ZDHHC15: variants seen among roughly 807,000 people sequenced by gnomAD.
The protein encoded by ZDHHC15 is palmitoyltransferase ZDHHC15.
ZDHHC15 carries 19 observed loss-of-function variants against 31.7 expected under a neutral mutation model. That is an observed-to-expected ratio of 0.60 (90% CI 0.42 to 0.88). The LOEUF is 0.88. Among genes scored for constraint, ZDHHC15 ranks in the 40% least tolerant of loss-of-function variants. ZDHHC15 has a pLI of 0.00. For missense variants in ZDHHC15, 209 were observed against 251.2 expected, an observed-to-expected ratio of 0.83 and a Z score of 1.14; for synonymous variants, 103 against 90.0, an observed-to-expected ratio of 1.14 and a Z score of -0.82.
chrX:75,399,160 G>A (rs754181316), intron 10 of ZDHHC15, among the ~76,000 whole-genome samples: 33 of 110,949 alleles, frequency 3.0e-4, no homozygotes, highest in African/African-American at 9.8e-4. Flanking sequence ...GTGGTTGCCC[G>A]TTTTCATATC....
intron 3 of ZDHHC15, among the ~76,000 whole-genome samples, chrX:75,462,541 C>A (rs189555843): frequency 8.9e-6 from 1 of 112,233 alleles, no homozygotes; most frequent in South Asian, 3.7e-4. Context: ...CACTCCTCAG[C>A]AAATGCATAA....
chrX:75,439,971 C>T (rs1359903133), intron 4 of ZDHHC15, among the ~76,000 whole-genome samples: 1 of 111,522 alleles, frequency 9.0e-6, no homozygotes, highest in African/African-American at 3.3e-5. Context: ...AGCTACCGGA[C>T]TCTGTGCTGG....
intron 2 of ZDHHC15, among the ~76,000 whole-genome samples, chrX:75,491,845 T>C (rs919687009): frequency 8.1e-5 from 9 of 111,122 alleles, no homozygotes; most frequent in Non-Finnish European, 1.3e-4. Flanking sequence ...ACATGCCAAA[T>C]TGTAAAGTCC....
At chrX:75,486,384 C>T (rs2084777715) in intron 2 of ZDHHC15, among the ~76,000 whole-genome samples, 1 of 112,181 alleles carries the variant, frequency 8.9e-6, no homozygotes, top group Admixed American at 9.4e-5. Context: ...GTGGAGAGGC[C>T]ACAGAATGAA....
intron 4 of ZDHHC15, among the ~76,000 whole-genome samples, chrX:75,436,004 C>G (rs1361028683): frequency 9.0e-6 from 1 of 111,043 alleles, no homozygotes; most frequent in East Asian, 2.8e-4. Context: ...TTTTTTATTA[C>G]CATTTTAATC....
rs1478048708 is a variant in ZDHHC15 at position 75,430,904 on chromosome X, T to A, written c.449+547A>T. On this transcript the variant is annotated intron_variant, in intron 5 of 11. Transcript: ENST00000373367. ...CTCAATCAAGGGACACTCTATGACCTACTTGACCATTAATCCTAAATACTG... is the reference window on the plus strand; with the variant it reads ...CTCAATCAAGGGACACTCTATGACCAACTTGACCATTAATCCTAAATACTG... Among the ~76,000 whole-genome samples the A allele has an allele frequency of 2.7e-5, 3 of 111,452 alleles. No individual in the cohort carries two copies. In the South Asian group the frequency reaches 1.1e-3, roughly 43 times the overall value.
At chrX:75,378,717 T>C (rs775712155) in intron 11 of ZDHHC15, among the ~76,000 whole-genome samples, 119 of 111,472 alleles carry the variant, frequency 1.1e-3, no homozygotes, top group African/African-American at 3.6e-3. Flanking sequence ...TTGCCCTTAG[T>C]GGGGAAGACT....
At chrX:75,422,090 G>C (rs1238413545) in intron 8 of ZDHHC15, 100 bp from the exon 9 acceptor site, 4 of 1,003,239 alleles carry the variant, frequency 4.0e-6, no homozygotes, top group African/African-American at 3.9e-5. Flanking sequence ...TATGTGACTT[G>C]GTTCTATTAT....
At chrX:75,469,423 A>G (rs1166795453) in intron 3 of ZDHHC15, among the ~76,000 whole-genome samples, 1 of 111,579 alleles carries the variant, frequency 9.0e-6, no homozygotes, top group African/African-American at 3.3e-5. Context: ...CTTAGCAAAG[A>G]CCATTCTACT....
chrX:75,510,438 C>A lies in ZDHHC15; in HGVS notation c.137-4591G>T, dbSNP rs182344377. 1.3e-4 allele frequency among the ~76,000 whole-genome samples: 14 copies of A among 104,361 alleles called. No homozygotes were observed. In the East Asian group the frequency reaches 4.0e-3, roughly 30 times the overall value. 90.6% of individuals were successfully genotyped at this position (104,361 alleles called of 115,157 possible). A position where few individuals can be genotyped will look rare whatever the true frequency, so the allele number is the denominator to read the frequency against. ...CTATAGGCTTGAATGGATACTTTTA[C>A]CTCTATAGAAACTTGGTTTCTAGAA... On this transcript the variant is annotated intron_variant, in intron 1 of 11. Coordinates refer to ENST00000373367, the MANE Select transcript of ZDHHC15 (RefSeq NM_144969.3).
rs772439402 is a variant in ZDHHC15 at position 75,416,832 on chromosome X, A to G, written c.967+255T>C. 3.6e-5 allele frequency among the ~76,000 whole-genome samples: 4 copies of G among 111,661 alleles called. No individual in the cohort carries two copies. The East Asian group carries it at 1.1e-3, about 32-fold the overall frequency. On this transcript the variant is annotated intron_variant, in intron 10 of 11. Transcript: ENST00000373367. ...ACCCAGCAGGATTGTTTAGAAATCC[A>G]TATATATCCAGATGTATATCTGACT...
chrX:75,474,331 T>C (rs767049678), intron 3 of ZDHHC15, among the ~76,000 whole-genome samples: 1 of 108,785 alleles, frequency 9.2e-6, no homozygotes, highest in East Asian at 2.9e-4. Flanking sequence ...CTCCAACTTC[T>C]TCATTTTTGG....
intron 9 of ZDHHC15, 28 bp from the exon 10 acceptor site, chrX:75,417,218 A>G: frequency 9.5e-7 from 1 of 1,053,526 alleles, no homozygotes; most frequent in Non-Finnish European, 1.3e-6. Context: ...GCAGTGACCT[A>G]TTGCAGCTGA....
At chrX:75,429,905 C>T (rs768974080) in intron 6 of ZDHHC15, 43 bp downstream of exon 6, 3 of 1,185,293 alleles carry the variant, frequency 2.5e-6, no homozygotes, top group South Asian at 1.9e-5. Flanking sequence ...AATTGAGCAA[C>T]TTTGACCCCT....
intron 1 of ZDHHC15, among the ~76,000 whole-genome samples, chrX:75,508,235 T>C: frequency 9.2e-6 from 1 of 108,224 alleles, no homozygotes; most frequent in Non-Finnish European, 1.9e-5. Context: ...CATGTTGGTA[T>C]GGTGCACCCA....
intron 10 of ZDHHC15, among the ~76,000 whole-genome samples, chrX:75,408,015 G>T (rs980826016): frequency 9.1e-6 from 1 of 110,003 alleles, no homozygotes; most frequent in Non-Finnish European, 1.9e-5. Flanking sequence ...AAGGCAGCAT[G>T]CTCGTTAAGA....
chrX:75,513,550 A>G (rs761268324), intron 1 of ZDHHC15, among the ~76,000 whole-genome samples: 2 of 111,709 alleles, frequency 1.8e-5, no homozygotes, highest in East Asian at 5.7e-4. Flanking sequence ...AGATCAGTAG[A>G]GGCTGTGAGG....
At chrX:75,494,873 G>A (rs1161578608) in intron 2 of ZDHHC15, among the ~76,000 whole-genome samples, 2 of 111,805 alleles carry the variant, frequency 1.8e-5, no homozygotes, top group Non-Finnish European at 3.8e-5. Context: ...ATAGGCATGG[G>A]CAAGGACTTC....
intron 4 of ZDHHC15, among the ~76,000 whole-genome samples, chrX:75,447,126 T>G (rs923444231): frequency 1.8e-5 from 2 of 111,811 alleles, no homozygotes; most frequent in Non-Finnish European, 3.8e-5. Context: ...ACCTGGCTAC[T>G]GCCACTGCTG....
Sources: gnomAD v4.1 joint callset for allele counts (sites outside exome capture counted in the v4.1 genomes callset) on GRCh38, gnomAD v4.1.1 for gene constraint, MANE v1.5 for transcripts, NCBI Gene and HGNC (gene_info 2026-07-23, HGNC 2026-07-21) for gene names.